Variants in SH3BP2 observed in about 807,000 individuals in gnomAD.
SH3BP2 encodes the protein SH3 domain binding protein 2.
SH3BP2 carries 38 observed loss-of-function variants against 56.2 expected under a neutral mutation model. The ratio of observed to expected loss-of-function variants is 0.68; its 90% CI spans 0.52 to 0.89. The LOEUF (loss-of-function observed/expected upper bound fraction) is 0.89. SH3BP2 is among the 40% of genes least tolerant of loss of function. The pLI, the probability that SH3BP2 is intolerant of heterozygous loss-of-function variation, is 0.00. For synonymous variants in SH3BP2, 346 were observed against 316.7 expected, an observed-to-expected ratio of 1.09 and a Z score of -0.98; for missense variants, 748 against 762.6, an observed-to-expected ratio of 0.98 and a Z score of 0.23.
At chr4:2,816,888 T>C (rs762154634) in intron 1 of SH3BP2, among the ~76,000 whole-genome samples, 2 of 152,256 alleles carry the variant, frequency 1.3e-5, no homozygotes, top group Non-Finnish European at 2.9e-5. Flanking sequence ...TATTGGTTTG[T>C]AGTTTTATTG....
intron 1 of SH3BP2, among the ~76,000 whole-genome samples, chr4:2,805,030 TC>T (rs1266201178): frequency 1.3e-5 from 2 of 152,172 alleles, no homozygotes; most frequent in African/African-American, 4.8e-5. Context: ...AGCCTAGCCC[TC>T]CTATCACAAG....
intron 7 of SH3BP2, among the ~76,000 whole-genome samples, chr4:2,828,271 C>T (rs1724786874): frequency 6.6e-6 from 1 of 152,028 alleles, no homozygotes; most frequent in Admixed American, 6.6e-5. Context: ...GGGGCTGATC[C>T]TTGATCCTTC....
chr4:2,818,648 C>G (rs28446770), intron 1 of SH3BP2: 88,436 of 916,318 alleles, frequency 0.097, 4,513 homozygotes, highest in Middle Eastern at 0.13. Flanking sequence ...TCCATCCCCA[C>G]TGCGGGGCTC....
At chr4:2,812,204 C>T in intron 1 of SH3BP2, 7 of 1,474,298 alleles carry the variant, frequency 4.7e-6, no homozygotes, top group Non-Finnish European at 6.3e-6. Flanking sequence ...GGGTAGAAGG[C>T]AGGAAGTGCC....
chr4:2,833,647 C>G, intron 12 of SH3BP2, 50 bp from the exon 13 acceptor site: 1 of 1,583,636 alleles, frequency 6.3e-7, no homozygotes, highest in Admixed American at 1.8e-5. Context: ...AGGCCTAGAG[C>G]CGCAGAGTGG....
chr4:2,825,006 C>T, intron 4 of SH3BP2, 120 bp from the exon 5 acceptor site: 1 of 917,500 alleles, frequency 1.1e-6, no homozygotes, highest in Non-Finnish European at 1.8e-6. Context: ...TTGTATCCAG[C>T]CGGGTCGCCT....
intron 1 of SH3BP2, among the ~76,000 whole-genome samples, chr4:2,801,878 C>T (rs568842514): frequency 6.6e-6 from 1 of 152,260 alleles, no homozygotes; most frequent in South Asian, 2.1e-4. Flanking sequence ...GAGGCCAAGG[C>T]GGGTGGATTA....
intron 4 of SH3BP2, 100 bp downstream of exon 4, chr4:2,824,830 G>A (rs1245769192): frequency 1.1e-6 from 1 of 932,714 alleles, no homozygotes; most frequent in African/African-American, 1.6e-5. Context: ...CTGGGGCGCT[G>A]GCCTCTCAGC....
At chr4:2,826,763 G>T (rs1162263872) in intron 5 of SH3BP2, 2 of 377,014 alleles carry the variant, frequency 5.3e-6, no homozygotes, top group Non-Finnish European at 5.3e-6. Flanking sequence ...GTGTTTGTGT[G>T]TGCGTGTCCG....
intron 1 of SH3BP2, among the ~76,000 whole-genome samples, chr4:2,819,818 C>T (rs1167698891): frequency 6.6e-6 from 1 of 151,910 alleles, no homozygotes; most frequent in Non-Finnish European, 1.5e-5. Context: ...AAGCATTAAA[C>T]AGCATGGTGT....
intron 2 of SH3BP2, among the ~76,000 whole-genome samples, chr4:2,822,143 G>A (rs1169436093): frequency 6.6e-6 from 1 of 152,134 alleles, no homozygotes; most frequent in Non-Finnish European, 1.5e-5. Context: ...GGGATTACAG[G>A]CATGAGCCAC....
intron 2 of SH3BP2, 124 bp downstream of exon 2, chr4:2,820,877 C>T: frequency 1.7e-6 from 2 of 1,156,594 alleles, no homozygotes; most frequent in Non-Finnish European, 2.4e-6. Flanking sequence ...TTTCCCATTC[C>T]CTCTCTGGTG....
chr4:2,820,602 C>T lies in SH3BP2; in HGVS notation c.-4-12C>T, dbSNP rs1050018255. ...CCGTAGCTGAGCCACGTGCCTTTGT[C>T]CTTTATTGCAGCTTCATGGCGGCTG... is the stretch of plus-strand genomic sequence containing the variant. On this transcript the variant is annotated splice_polypyrimidine_tract_variant and intron_variant, in intron 1 of 12. Transcript: ENST00000503393. 1.2e-6 allele frequency: 2 copies of T among 1,614,006 alleles called. No homozygotes were observed. The highest frequency in any genetic ancestry group is 1.3e-5 in the African/African-American group (1 of 74,940).
In SH3BP2 at chr4:2,799,022, C is replaced by T. The variant is rs28528978; in HGVS notation, c.-5+5884C>T. The T allele has an allele frequency of 9.2e-4, 903 of 985,552 alleles. 7 individuals carry two copies. The African/African-American group carries it at 0.014, about 15-fold the overall frequency. 61.1% of individuals were successfully genotyped at this position (985,552 alleles called of 1,614,324 possible). ...CACGGGGCCTGGGAAACTCCAAAGC[C>T]GGCGTCAGGTCATCGAGGCCTCCGG... On this transcript the variant is annotated intron_variant, in intron 1 of 12. Coordinates refer to ENST00000503393, the MANE Select transcript of SH3BP2 (RefSeq NM_001122681.2).
chr4:2,806,398 C>T (rs1308766652), intron 1 of SH3BP2, among the ~76,000 whole-genome samples: 1 of 152,162 alleles, frequency 6.6e-6, no homozygotes, highest in African/African-American at 2.4e-5. Context: ...CCCGGCCCAC[C>T]CCACACATCA....
At chr4:2,812,182 C>T in intron 1 of SH3BP2, 1 of 1,440,794 alleles carries the variant, frequency 6.9e-7, no homozygotes, top group South Asian at 1.4e-5. Context: ...AGGCAGCTTT[C>T]AGGACCTCAC....
chr4:2,808,292 T>C (rs1202321116), intron 1 of SH3BP2, among the ~76,000 whole-genome samples: 1 of 152,166 alleles, frequency 6.6e-6, no homozygotes, highest in Non-Finnish European at 1.5e-5. Context: ...CATGGTCCTT[T>C]CCAGGCATCT....
chr4:2,825,265 C>T (rs762539930), intron 5 of SH3BP2, 69 bp downstream of exon 5: 209 of 1,259,724 alleles, frequency 1.7e-4, no homozygotes, highest in Middle Eastern at 3.7e-4. Context: ...CCCGGGTGTC[C>T]GCCTCCCAGC....
At chr4:2,813,465 C>T (rs1723853049) in intron 1 of SH3BP2, among the ~76,000 whole-genome samples, 2 of 152,196 alleles carry the variant, frequency 1.3e-5, no homozygotes, top group Admixed American at 1.3e-4. Flanking sequence ...GCCTGATCCT[C>T]TCCCAGCCTC....
Sources: gnomAD v4.1 joint callset for allele counts (sites outside exome capture counted in the v4.1 genomes callset) on GRCh38, gnomAD v4.1.1 for gene constraint, MANE v1.5 for transcripts, NCBI Gene and HGNC (gene_info 2026-07-23, HGNC 2026-07-21) for gene names.